TMEM9B: variants seen among roughly 807,000 people sequenced by gnomAD.
TMEM9B encodes the protein transmembrane protein 9B.
TMEM9B carries 8 observed loss-of-function variants against 23.5 expected under a neutral mutation model. The observed-to-expected ratio is 0.34, with a 90% CI of 0.20 to 0.61. TMEM9B has a LOEUF of 0.61. TMEM9B is among the 20% of genes least tolerant of loss of function. The pLI is 0.78. For synonymous variants in TMEM9B, 106 were observed against 96.3 expected (o/e 1.10, Z -0.59); for missense variants, 197 against 252.3 (o/e 0.78, Z 1.49).
At chr11:8,954,712 G>C (rs1311406814) in intron 3 of TMEM9B, among the ~76,000 whole-genome samples, 1 of 152,220 alleles carries the variant, frequency 6.6e-6, no homozygotes, top group Non-Finnish European at 1.5e-5. Flanking sequence ...ATAGTACAGT[G>C]AGGATTTATC....
In TMEM9B at chr11:8,958,760, G is replaced by C. The variant is rs142708642; in HGVS notation, c.198-2462C>G. Among the ~76,000 whole-genome samples, 316 of 151,866 alleles carry C rather than the reference G, an allele frequency of 2.1e-3. 3 individuals are homozygous for C. The highest frequency in any genetic ancestry group is 7.5e-3 in the African/African-American group (310 of 41,438). ...CTAATTTTGTATTTTTAGTAGAGAT[G>C]GGGTTTTTCCATGTTGGTCAGGCTG... On this transcript the variant is annotated intron_variant, in intron 2 of 4. Transcript: ENST00000534025.
intron 1 of TMEM9B, 40 bp from the exon 2 acceptor site, chr11:8,962,223 TATC>T: frequency 2.3e-6 from 3 of 1,317,998 alleles, no homozygotes; most frequent in Non-Finnish European, 3.2e-6. Flanking sequence ...GTTGACAGTT[TATC>T]ATCAATATTT....
upstream of TMEM9B, chr11:8,964,861 G>A (rs1854171675): frequency 6.4e-6 from 1 of 156,194 alleles, no homozygotes; most frequent in South Asian, 1.7e-4. Flanking sequence ...CAAAGGGTTG[G>A]GGGTGGTCTC....
intron 3 of TMEM9B, among the ~76,000 whole-genome samples, chr11:8,955,117 C>T (rs541112738): frequency 7.1e-6 from 1 of 141,266 alleles, no homozygotes; most frequent in Non-Finnish European, 1.5e-5. Context: ...CACCACTGCA[C>T]TCCAGCCTGG....
chr11:8,952,189 A>G (rs1331733083), intron 4 of TMEM9B, among the ~76,000 whole-genome samples: 3 of 151,952 alleles, frequency 2.0e-5, no homozygotes, highest in Non-Finnish European at 2.9e-5. Context: ...TTTTTGAATA[A>G]ACGAATATTA....
chr11:8,953,231 T>C lies in TMEM9B; in HGVS notation c.413A>G (p.Gln138Arg). The C allele has an allele frequency of 6.2e-7, 1 of 1,614,146 alleles. No individual in the cohort carries two copies. The highest frequency in any genetic ancestry group is 8.5e-7 in the Non-Finnish European group (1 of 1,180,028). Residue 138 changes from glutamine (Q) to arginine (R), a missense_variant, in exon 4 of 5, where the codon CAG (glutamine) becomes CGG (arginine). Gln to Arg is a conservative substitution (Grantham distance 43, BLOSUM62 1). Transcript: ENST00000534025. ...ILKRRLFGHA[Q>R]LIQSDDDIGD... The stretch of plus-strand genomic sequence containing the variant: ...AATATCATCATCACTCTGTATCAAC[T>C]GTGCATGTCCAAAGAGGCGCCTCTT...
Position 8,964,195 on chromosome 11 carries a change from T to G in TMEM9B, c.105+14A>C. On this transcript the variant is annotated intron_variant, in intron 1 of 4. Transcript: ENST00000534025. ...GAGGAGCTTCCGTCAGGAGCGAGGC[T>G]GGGCGGGACTCACCTTGGCGGCGTC... The G allele has an allele frequency of 6.4e-7, 1 of 1,562,310 alleles. No individual in the cohort carries two copies. The highest frequency in any genetic ancestry group is 8.7e-7 in the Non-Finnish European group (1 of 1,153,988).
At chr11:8,948,534 C>G in intron 4 of TMEM9B, 59 bp from the exon 5 acceptor site, 1 of 1,556,860 alleles carries the variant, frequency 6.4e-7, no homozygotes, top group Non-Finnish European at 8.7e-7. Context: ...AACATAGACA[C>G]ACAACAGTGA....
In TMEM9B at chr11:8,964,280, C is replaced by T. The variant is rs987818311; in HGVS notation, c.34G>A (p.Gly12Ser). 6.3e-7 allele frequency: 1 copy of T among 1,593,668 alleles called. No homozygotes were observed. Among genetic ancestry groups the T allele is most frequent in the South Asian group, 1.1e-5 (1 of 87,962 alleles). Residue 12 changes from glycine to serine, a missense_variant, in exon 1 of 5, where the codon GGC becomes AGC. Physicochemically the swap from Gly to Ser is moderately conservative, Grantham distance 56 (BLOSUM62 0). This residue lies in a region of TMEM9B where 56 missense variants were observed against 38.2 expected (regional missense o/e 1.46). Transcript: ENST00000534025. ...ATLWGGLLRL[G>S]SLLSLSCLAL... is the part of the protein sequence containing the mutation. ...AGGCACGACAGGCTGAGCAAGGAGC[C>T]AAGCCGAAGAAGGCCTCCCCACAGG...
chr11:8,949,720 T>G (rs1853841460), intron 4 of TMEM9B, among the ~76,000 whole-genome samples: 2 of 152,028 alleles, frequency 1.3e-5, no homozygotes, highest in South Asian at 4.1e-4. Context: ...TATCAAAGAG[T>G]TTTTATAAAG....
At position 8,957,448 on chromosome 11, in the gene TMEM9B, C is replaced by T. The variant is rs1257586869; in HGVS notation, c.198-1150G>A. 6.6e-6 allele frequency among the ~76,000 whole-genome samples: 1 copy of T among 152,248 alleles called. No homozygotes were observed. The highest frequency in any genetic ancestry group is 1.5e-5 in the Non-Finnish European group (1 of 68,054). ...AAATTAGGGAAAGCTTTCCTGTCCT[C>T]CTGCCAGCTGTTGGACAATTTTCTT... On this transcript the variant is annotated intron_variant, in intron 2 of 4. Transcript: ENST00000534025. The surrounding 1 kb of genome is among the most constrained non-coding windows in gnomAD (Gnocchi z 4.3).
chr11:8,950,263 C>CT (rs1157475275), intron 4 of TMEM9B, among the ~76,000 whole-genome samples: 1 of 152,120 alleles, frequency 6.6e-6, no homozygotes, highest in African/African-American at 2.4e-5. Context: ...CTAACCCTGA[C>CT]TTGGTGTTAT....
intron 4 of TMEM9B, among the ~76,000 whole-genome samples, chr11:8,951,589 G>GA (rs34883104): frequency 0.55 from 79,961 of 146,614 alleles, 21,887 homozygotes; most frequent in East Asian, 0.76. Context: ...GTCTCTACTA[G>GA]AAAAAAAAAA....
upstream of TMEM9B, chr11:8,964,723 T>A (rs1221063439): frequency 5.6e-6 from 1 of 178,262 alleles, no homozygotes; most frequent in Non-Finnish European, 1.2e-5. Flanking sequence ...AAACTCCGAG[T>A]GTCACACAGT....
In TMEM9B at chr11:8,954,224, G is replaced by A. The variant is rs539262123; in HGVS notation, c.307-887C>T. Among the ~76,000 whole-genome samples, 36 of 152,292 alleles carry A rather than the reference G, an allele frequency of 2.4e-4. No homozygotes were observed. In the South Asian group the frequency reaches 5.6e-3, roughly 24 times the overall value. On this transcript the variant is annotated intron_variant, in intron 3 of 4. Coordinates refer to ENST00000534025, the MANE Select transcript of TMEM9B (RefSeq NM_020644.3). ...AGAGACAGAAAGTAGACTAGTGACC[G>A]AGTAGGGCTGGAAATGGGAATTAAC...
At chr11:8,963,102 C>T (rs1437517958) in intron 1 of TMEM9B, among the ~76,000 whole-genome samples, 1 of 152,156 alleles carries the variant, frequency 6.6e-6, no homozygotes, top group Non-Finnish European at 1.5e-5. Flanking sequence ...CCAGGACACA[C>T]CCTAGTAAAG....
upstream of TMEM9B, chr11:8,964,474 C>A (rs369179386): frequency 2.8e-6 from 4 of 1,420,974 alleles, no homozygotes; most frequent in South Asian, 1.5e-5. Context: ...CGCGCCGGGT[C>A]AGATGCAAAA....
At chr11:8,964,164 G>A in intron 1 of TMEM9B, 45 bp downstream of exon 1, 2 of 1,538,678 alleles carry the variant, frequency 1.3e-6, no homozygotes, top group Non-Finnish European at 1.8e-6. Context: ...AAGGCCGGTG[G>A]TAGGGGAGGA....
intron 4 of TMEM9B, 144 bp downstream of exon 4, chr11:8,953,059 T>G: frequency 1.1e-6 from 1 of 941,112 alleles, no homozygotes; most frequent in Non-Finnish European, 1.7e-6. Context: ...AGGTATATAC[T>G]GAAATCAGAG....
Sources: gnomAD v4.1 joint callset for allele counts (sites outside exome capture counted in the v4.1 genomes callset) on GRCh38, gnomAD v4.1.1 for gene constraint, gnomAD v4.1.1 regional missense constraint, Gnocchi (gnomAD v3.1) non-coding constraint, MANE v1.5 for transcripts, NCBI Gene and HGNC (gene_info 2026-07-23, HGNC 2026-07-21) for gene names.